GALNT13: variants seen among roughly 807,000 people sequenced by gnomAD.
GALNT13 encodes UDP-GalNAc:polypeptide N-acetylgalactosaminyltransferase 13.
Under a neutral mutation model 64.2 loss-of-function variants are expected in GALNT13, and 28 were observed. The observed-to-expected ratio is 0.44, with a 90% CI of 0.32 to 0.60. The LOEUF is 0.60. GALNT13 is among the 20% of genes least tolerant of loss of function. GALNT13 has a pLI of 0.05. For synonymous variants in GALNT13, 214 were observed against 224.6 expected (o/e 0.95, Z 0.42); for missense variants, 577 against 669.8 (o/e 0.86, Z 1.53).
At chr2:153,392,459 T>A in the GALNT13 span, among the ~76,000 whole-genome samples, 10 of 152,086 alleles carry the variant, frequency 6.6e-5, no homozygotes, top group Non-Finnish European at 1.3e-4. Flanking sequence ...ATCTCCTTAG[T>A]TGAGGATCTT....
intron 3 of GALNT13, among the ~76,000 whole-genome samples, chr2:154,027,443 G>T (rs1004793732): frequency 6.6e-6 from 1 of 152,114 alleles, no homozygotes; most frequent in Non-Finnish European, 1.5e-5. Context: ...CATGAGATTA[G>T]CAGGGCAAAC....
the GALNT13 span, among the ~76,000 whole-genome samples, chr2:153,470,527 A>C: frequency 6.6e-6 from 1 of 152,110 alleles, no homozygotes; most frequent in African/African-American, 2.4e-5. Context: ...AGGGGCATCC[A>C]TGTATTTTTC....
chr2:153,539,956 A>C, the GALNT13 span, among the ~76,000 whole-genome samples: 1 of 152,364 alleles, frequency 6.6e-6, no homozygotes, highest in African/African-American at 2.4e-5. Flanking sequence ...GGTAGAAAAG[A>C]AAAACCCATT....
the GALNT13 span, among the ~76,000 whole-genome samples, chr2:153,211,876 G>T: frequency 6.6e-6 from 1 of 152,180 alleles, no homozygotes; most frequent in Non-Finnish European, 1.5e-5. Context: ...TAAACACCTT[G>T]TGTTGTTAGA....
chr2:153,629,718 G>A, the GALNT13 span, among the ~76,000 whole-genome samples: 49 of 151,484 alleles, frequency 3.2e-4, no homozygotes, highest in Admixed American at 1.4e-3. Context: ...ACAACCTACA[G>A]AATGGGAGAA....
the GALNT13 span, among the ~76,000 whole-genome samples, chr2:153,126,335 TA>T: frequency 5.6e-5 from 5 of 88,848 alleles, no homozygotes; most frequent in East Asian, 3.5e-4. Context: ...TATATATATA[TA>T]TATATATATA....
At chr2:154,351,682 C>CA (rs567606376) in intron 9 of GALNT13, among the ~76,000 whole-genome samples, 1 of 44,668 alleles carries the variant, frequency 2.2e-5, no homozygotes, top group Non-Finnish European at 3.8e-5. Flanking sequence ...GACTCCGTCT[C>CA]AAAAAAAAAA....
chr2:154,126,661 A>C (rs1447754253), intron 3 of GALNT13, among the ~76,000 whole-genome samples: 1 of 151,938 alleles, frequency 6.6e-6, no homozygotes, highest in African/African-American at 2.4e-5. Flanking sequence ...AAAACAAAAA[A>C]AAGAAAGAAA....
chr2:154,311,763 G>C (rs1007520932), intron 9 of GALNT13, among the ~76,000 whole-genome samples: 4 of 151,992 alleles, frequency 2.6e-5, no homozygotes, highest in African/African-American at 9.7e-5. Context: ...TACGCCCTGG[G>C]GGGGCCAGTT....
At chr2:154,201,491 T>C (rs1687167941) in intron 4 of GALNT13, among the ~76,000 whole-genome samples, 2 of 152,110 alleles carry the variant, frequency 1.3e-5, no homozygotes, top group South Asian at 4.1e-4. Flanking sequence ...ATGACACACA[T>C]GCATAGCATC....
chr2:154,194,419 G>A (rs1209782624), intron 4 of GALNT13, among the ~76,000 whole-genome samples: 5 of 152,238 alleles, frequency 3.3e-5, no homozygotes, highest in East Asian at 3.9e-4. Flanking sequence ...AGAGCCCACC[G>A]GGTTGAAGTT....
the GALNT13 span, among the ~76,000 whole-genome samples, chr2:153,395,009 C>A: frequency 5.3e-5 from 8 of 152,142 alleles, no homozygotes; most frequent in Admixed American, 2.0e-4. Context: ...AGTTGCATTA[C>A]CGAGGTCCCT....
chr2:153,637,052 A>G, the GALNT13 span, among the ~76,000 whole-genome samples: 15 of 152,122 alleles, frequency 9.9e-5, no homozygotes, highest in Non-Finnish European at 2.2e-4. Flanking sequence ...GCACCAAAAA[A>G]AGGTGAAATG....
the GALNT13 span, among the ~76,000 whole-genome samples, chr2:153,392,834 T>A: frequency 2.0e-5 from 3 of 151,958 alleles, no homozygotes; most frequent in Admixed American, 6.6e-5. Flanking sequence ...TATTAAAAGG[T>A]AGAGCTTCAG....
At chr2:153,678,778 A>G in the GALNT13 span, among the ~76,000 whole-genome samples, 1 of 151,984 alleles carries the variant, frequency 6.6e-6, no homozygotes, top group Non-Finnish European at 1.5e-5. Flanking sequence ...GGATGGTTGA[A>G]AGAGTATGGT....
At chr2:153,521,056 ATTTTAC>A in the GALNT13 span, among the ~76,000 whole-genome samples, 7 of 152,136 alleles carry the variant, frequency 4.6e-5, no homozygotes, top group African/African-American at 1.4e-4. Flanking sequence ...ACATGTTATT[ATTTTAC>A]TTTAAAGGAA....
At chr2:154,345,307 A>G (rs1247478102) in intron 9 of GALNT13, among the ~76,000 whole-genome samples, 1 of 151,990 alleles carries the variant, frequency 6.6e-6, no homozygotes, top group African/African-American at 2.4e-5. Context: ...TAACCTCACA[A>G]AAGGATTCAA....
intron 3 of GALNT13, among the ~76,000 whole-genome samples, chr2:153,996,110 T>C (rs1695506828): frequency 6.6e-6 from 1 of 152,176 alleles, no homozygotes. Flanking sequence ...ATCTCTTGAC[T>C]GTTGTGACCA....
At chr2:153,097,455 T>C in the GALNT13 span, among the ~76,000 whole-genome samples, 10 of 152,166 alleles carry the variant, frequency 6.6e-5, no homozygotes, top group African/African-American at 2.2e-4. Flanking sequence ...TCTCCTTTTC[T>C]TTTATATTTT....
Sources: gnomAD v4.1 joint callset for allele counts (sites outside exome capture counted in the v4.1 genomes callset) on GRCh38, gnomAD v4.1.1 for gene constraint, MANE v1.5 for transcripts, NCBI Gene and HGNC (gene_info 2026-07-23, HGNC 2026-07-21) for gene names.